The following MACROD2 variants were observed in gnomAD, a reference collection of about 807,000 sequenced individuals.
MACROD2 encodes the protein mono-ADP ribosylhydrolase 2.
A neutral mutation model predicts 70.4 loss-of-function variants in MACROD2; 36 were observed. That is an observed-to-expected ratio of 0.51 (90% CI 0.39 to 0.68). The LOEUF (loss-of-function observed/expected upper bound fraction) is 0.68. MACROD2 is among the 30% of genes least tolerant of loss of function. MACROD2 has a pLI of 0.00. For synonymous variants in MACROD2, 172 were observed against 178.8 expected, an observed-to-expected ratio of 0.96 and a Z score of 0.30; for missense variants, 496 against 538.4, an observed-to-expected ratio of 0.92 and a Z score of 0.78.
intron 5 of MACROD2, among the ~76,000 whole-genome samples, chr20:14,880,073 G>C (rs2073593776): frequency 6.6e-6 from 1 of 152,138 alleles, no homozygotes; most frequent in Non-Finnish European, 1.5e-5. Flanking sequence ...CTGGTGGAAA[G>C]CAGAACAATG....
chr20:15,678,483 C>T (rs971665065), intron 8 of MACROD2, among the ~76,000 whole-genome samples: 2 of 152,054 alleles, frequency 1.3e-5, no homozygotes, highest in African/African-American at 2.4e-5. Flanking sequence ...CCTCAGCCTC[C>T]CGAGTAGCTG....
At chr20:15,954,609 A>G (rs2065950928) in intron 12 of MACROD2, among the ~76,000 whole-genome samples, 2 of 152,170 alleles carry the variant, frequency 1.3e-5, no homozygotes, top group Admixed American at 1.3e-4. Flanking sequence ...AGAGGTACCA[A>G]TTAAAATTTA....
At chr20:15,152,343 A>G (rs2076276113) in intron 5 of MACROD2, among the ~76,000 whole-genome samples, 1 of 151,682 alleles carries the variant, frequency 6.6e-6, no homozygotes, top group South Asian at 2.1e-4. Flanking sequence ...AAGCCCAGAG[A>G]AAAGAGAGTA....
intron 3 of MACROD2, among the ~76,000 whole-genome samples, chr20:14,484,365 A>G (rs2123080406): frequency 6.6e-6 from 1 of 152,254 alleles, no homozygotes; most frequent in African/African-American, 2.4e-5. Flanking sequence ...TGATACAGGC[A>G]TGCAGTGTGT....
chr20:15,465,859 A>G (rs974137045), intron 7 of MACROD2, among the ~76,000 whole-genome samples: 2 of 152,194 alleles, frequency 1.3e-5, no homozygotes, highest in Admixed American at 1.3e-4. Context: ...GGTGACTTCC[A>G]TGGCCACACC....
At chr20:14,820,357 C>CTT (rs11475238) in intron 5 of MACROD2, among the ~76,000 whole-genome samples, 7,886 of 115,960 alleles carry the variant, frequency 0.068, 267 homozygotes, top group Non-Finnish European at 0.098. Flanking sequence ...ATTTTTCTTC[C>CTT]TTTTTTTTTT....
intron 4 of MACROD2, among the ~76,000 whole-genome samples, chr20:14,575,058 T>A (rs1186601906): frequency 2.7e-5 from 4 of 149,270 alleles, no homozygotes; most frequent in Non-Finnish European, 5.9e-5. Flanking sequence ...ACAAAGTTTT[T>A]GGTCTCTGCA....
chr20:14,364,205 C>A (rs6131573), intron 3 of MACROD2, among the ~76,000 whole-genome samples: 1 of 152,172 alleles, frequency 6.6e-6, no homozygotes, highest in African/African-American at 2.4e-5. Flanking sequence ...TAGGGACCAC[C>A]TTAATCCAAA....
chr20:15,671,986 A>G (rs1278630721), intron 8 of MACROD2, among the ~76,000 whole-genome samples: 2 of 152,328 alleles, frequency 1.3e-5, no homozygotes, highest in East Asian at 3.9e-4. Context: ...TCCTGCAGAG[A>G]TGTAAAGACT....
intron 5 of MACROD2, among the ~76,000 whole-genome samples, chr20:15,210,990 A>C (rs2076758807): frequency 6.6e-6 from 1 of 152,212 alleles, no homozygotes; most frequent in Non-Finnish European, 1.5e-5. Flanking sequence ...CGTACAATTC[A>C]GTGGTGTTGG....
At chr20:15,035,862 C>A (rs1353260120) in intron 5 of MACROD2, among the ~76,000 whole-genome samples, 1 of 152,122 alleles carries the variant, frequency 6.6e-6, no homozygotes, top group African/African-American at 2.4e-5. Flanking sequence ...TCCTCTCTGG[C>A]ACTGCCAGCC....
chr20:14,988,840 T>C (rs559494035), intron 5 of MACROD2, among the ~76,000 whole-genome samples: 1 of 152,184 alleles, frequency 6.6e-6, no homozygotes. Flanking sequence ...GTTTTATTTT[T>C]AAAAATTTAT....
chr20:14,222,842 A>G (rs2081691888), intron 3 of MACROD2, among the ~76,000 whole-genome samples: 1 of 129,764 alleles, frequency 7.7e-6, no homozygotes, highest in Non-Finnish European at 1.6e-5. Flanking sequence ...AAAAAAAAAA[A>G]GAATTGAGAA....
Position 16,048,530 on chromosome 20 carries a change from T to C in MACROD2, c.1301-1300T>C, listed in dbSNP as rs1447074815. Among the ~76,000 whole-genome samples, 3 of 152,130 alleles carry C rather than the reference T, an allele frequency of 2.0e-5. No individual in the cohort carries two copies. In the East Asian group the frequency reaches 5.8e-4, roughly 29 times the overall value. On this transcript the variant is annotated intron_variant, in intron 17 of 17. Transcript: ENST00000684519. ...AGTGTAGGGCTGTGTATTTGATTGA[T>C]ACCCACCAAGCATCTCCAGGTTTAA... is the stretch of plus-strand genomic sequence containing the variant.
At chr20:14,671,048 A>G (rs982675234) in intron 4 of MACROD2, among the ~76,000 whole-genome samples, 3 of 152,154 alleles carry the variant, frequency 2.0e-5, no homozygotes, top group East Asian at 1.9e-4. Flanking sequence ...TCTCTTTTTC[A>G]TCTTTGAAAG....
At chr20:14,708,233 A>G (rs1258608049) in intron 5 of MACROD2, among the ~76,000 whole-genome samples, 1 of 152,204 alleles carries the variant, frequency 6.6e-6, no homozygotes, top group Non-Finnish European at 1.5e-5. Flanking sequence ...ATAACCTCTT[A>G]TTATAATATA....
intron 15 of MACROD2, among the ~76,000 whole-genome samples, chr20:16,033,636 T>C (rs1322775363): frequency 6.6e-6 from 1 of 151,962 alleles, no homozygotes; most frequent in African/African-American, 2.4e-5. Context: ...TATGAGAGAG[T>C]TATCATTAAC....
intron 5 of MACROD2, among the ~76,000 whole-genome samples, chr20:14,962,215 A>G (rs1345538051): frequency 6.6e-6 from 1 of 152,144 alleles, no homozygotes; most frequent in African/African-American, 2.4e-5. Context: ...TCCAGCCTAT[A>G]ACTGGTTCTC....
chr20:14,640,191 A>G (rs1985012276), intron 4 of MACROD2, among the ~76,000 whole-genome samples: 1 of 152,226 alleles, frequency 6.6e-6, no homozygotes, highest in South Asian at 2.1e-4. Flanking sequence ...ACATTAAATA[A>G]CAACAGCTAA....
Sources: gnomAD v4.1 joint callset for allele counts (sites outside exome capture counted in the v4.1 genomes callset) on GRCh38, gnomAD v4.1.1 for gene constraint, MANE v1.5 for transcripts, NCBI Gene and HGNC (gene_info 2026-07-23, HGNC 2026-07-21) for gene names.